The following ROBO1 variants were observed in gnomAD, a reference collection of about 807,000 sequenced individuals.
The protein encoded by ROBO1 is roundabout guidance receptor 1.
In ROBO1, 149 loss-of-function variants were observed where a neutral mutation model predicts 195.9. The observed-to-expected ratio is 0.76, with a 90% CI of 0.67 to 0.87. The LOEUF (loss-of-function observed/expected upper bound fraction) is 0.87. Among genes scored for constraint, ROBO1 ranks in the 40% least tolerant of loss-of-function variants. The pLI is 0.00. For synonymous variants in ROBO1, 816 were observed against 733.2 expected (o/e 1.11, Z -1.82); for missense variants, 1,933 against 2,068.3 (o/e 0.93, Z 1.27).
In ROBO1 at chr3:79,381,077, G is replaced by A. The variant is rs191662097; in HGVS notation, c.88+208747C>T. Among the ~76,000 whole-genome samples the A allele has an allele frequency of 6.1e-4, 93 of 152,218 alleles. No individual in the cohort carries two copies. In the East Asian group the frequency reaches 6.8e-3, roughly 11 times the overall value. On this transcript the variant is annotated intron_variant, in intron 2 of 30. Transcript: ENST00000464233. Reference sequence around the variant, plus strand: ...TAGACTTTGGTAAAATAAGAAATGCGGCTGGGCGCGGTGGCTCACGCCCGT... The same window carrying A: ...TAGACTTTGGTAAAATAAGAAATGCAGCTGGGCGCGGTGGCTCACGCCCGT...
Position 78,867,408 on chromosome 3 carries a change from A to AT in ROBO1, c.499+71192dup, listed in dbSNP as rs1241801747. 1.7e-4 allele frequency among the ~76,000 whole-genome samples: 26 copies of AT among 152,136 alleles called. 1 individual carries two copies. The East Asian group carries it at 2.5e-3, about 15-fold the overall frequency. ...CCTGCAGAGGACTAAAAAGTGTTTG[A>AT]TTTTTTTTCCCCTTCTATGTTAAGA... On this transcript the variant is annotated intron_variant, in intron 4 of 30. Transcript: ENST00000464233.
At position 79,390,797 on chromosome 3, in the gene ROBO1, C is replaced by A. The variant is rs535791611; in HGVS notation, c.88+199027G>T. ...AGAAAAATGTAGTAAAAATTGGCAGCCAAATTTGAGTACATATTTACCCTA... is the reference window on the plus strand; with the variant it reads ...AGAAAAATGTAGTAAAAATTGGCAGACAAATTTGAGTACATATTTACCCTA... On this transcript the variant is annotated intron_variant, in intron 2 of 30. Coordinates refer to ENST00000464233, the MANE Select transcript of ROBO1 (RefSeq NM_002941.4). 1.5e-4 allele frequency among the ~76,000 whole-genome samples: 23 copies of A among 151,848 alleles called. No individual in the cohort carries two copies. The South Asian group carries it at 4.2e-3, about 27-fold the overall frequency.
intron 3 of ROBO1, among the ~76,000 whole-genome samples, chr3:79,014,380 G>A (rs960389309): frequency 6.6e-6 from 1 of 152,194 alleles, no homozygotes; most frequent in Admixed American, 6.5e-5. Context: ...GGCTGAGGCA[G>A]GAGAATCACG....
chr3:79,272,981 C>T (rs1300284048), intron 2 of ROBO1, among the ~76,000 whole-genome samples: 2 of 152,066 alleles, frequency 1.3e-5, no homozygotes, highest in Non-Finnish European at 2.9e-5. Context: ...AGGAAAAGAA[C>T]TTTAACTTTT....
At chr3:79,155,629 A>T (rs2080845709) in intron 2 of ROBO1, among the ~76,000 whole-genome samples, 2 of 151,808 alleles carry the variant, frequency 1.3e-5, no homozygotes, top group South Asian at 4.1e-4. Context: ...TGTGCCTCAC[A>T]TTTCCCGTGG....
intron 4 of ROBO1, among the ~76,000 whole-genome samples, chr3:78,750,482 TAAA>T (rs1559814856): frequency 9.5e-5 from 14 of 147,518 alleles, no homozygotes; most frequent in African/African-American, 3.5e-4. Context: ...AATAAATAAA[TAAA>T]TAAATAAATA....
chr3:79,284,577 C>A (rs2031765476), intron 2 of ROBO1, among the ~76,000 whole-genome samples: 1 of 152,104 alleles, frequency 6.6e-6, no homozygotes, highest in Non-Finnish European at 1.5e-5. Flanking sequence ...ACAATATAAA[C>A]TTATGTCTTA....
chr3:78,917,884 T>C (rs1236890710), intron 4 of ROBO1, among the ~76,000 whole-genome samples: 1 of 152,126 alleles, frequency 6.6e-6, no homozygotes, highest in Non-Finnish European at 1.5e-5. Flanking sequence ...TCAGCTTCCA[T>C]TCAGAAAATA....
chr3:78,812,274 C>T (rs2084766552), intron 4 of ROBO1, among the ~76,000 whole-genome samples: 1 of 152,102 alleles, frequency 6.6e-6, no homozygotes, highest in African/African-American at 2.4e-5. Flanking sequence ...GCCTTCAAGA[C>T]TCGGTCTATG....
intron 4 of ROBO1, among the ~76,000 whole-genome samples, chr3:78,845,268 A>G (rs149021043): frequency 3.3e-5 from 5 of 149,602 alleles, no homozygotes; most frequent in African/African-American, 1.3e-4. Flanking sequence ...ATGTGCACAG[A>G]TTTTAGAGAT....
chr3:79,116,526 C>CTTT (rs550347378), intron 3 of ROBO1, among the ~76,000 whole-genome samples: 3 of 117,940 alleles, frequency 2.5e-5, no homozygotes, highest in Non-Finnish European at 5.5e-5. Context: ...TCTCTTTCTT[C>CTTT]TTTTTTTTTT....
chr3:79,756,164 T>G (rs914329875), intron 1 of ROBO1, among the ~76,000 whole-genome samples: 2 of 152,250 alleles, frequency 1.3e-5, no homozygotes, highest in Non-Finnish European at 2.9e-5. Context: ...ATTTATTGCC[T>G]TCCTCCTAAT....
intron 2 of ROBO1, among the ~76,000 whole-genome samples, chr3:79,256,496 A>G (rs2082836684): frequency 6.6e-6 from 1 of 152,206 alleles, no homozygotes; most frequent in African/African-American, 2.4e-5. Flanking sequence ...TGGAATGAGG[A>G]AAAATAAGAA....
In ROBO1 at chr3:78,617,656, G is replaced by A. The variant is rs753114313; in HGVS notation, c.4261C>T (p.Arg1421Trp). ...AEYAGLKVAR[R>W]QMQDAAGRRH... ...TCACCAGCAGCATCCTGCATTTGCCGTCGTGCTACTTTCAGACCAGCATAC... is the reference window on the plus strand; with the variant it reads ...TCACCAGCAGCATCCTGCATTTGCCATCGTGCTACTTTCAGACCAGCATAC... The change falls in exon 27 of 31, where the codon CGG becomes TGG. Residue 1421 changes from arginine to tryptophan, a missense_variant. Coordinates refer to ENST00000464233, the MANE Select transcript of ROBO1 (RefSeq NM_002941.4). 8 of 1,612,308 alleles carry A rather than the reference G, an allele frequency of 5.0e-6. No homozygotes were observed. The highest frequency in any genetic ancestry group is 2.2e-5 in the East Asian group (1 of 44,880).
At chr3:79,174,346 C>G (rs528199426) in intron 2 of ROBO1, among the ~76,000 whole-genome samples, 1 of 151,726 alleles carries the variant, frequency 6.6e-6, no homozygotes, top group South Asian at 2.1e-4. Context: ...CGCAAAGGTC[C>G]GCAGCTTTAC....
At chr3:79,455,524 G>T (rs1156876073) in intron 2 of ROBO1, among the ~76,000 whole-genome samples, 1 of 151,998 alleles carries the variant, frequency 6.6e-6, no homozygotes, top group Non-Finnish European at 1.5e-5. Flanking sequence ...GTGTTTAAAG[G>T]AGACATTTAA....
At chr3:79,149,832 A>G (rs2080730661) in intron 2 of ROBO1, among the ~76,000 whole-genome samples, 1 of 151,780 alleles carries the variant, frequency 6.6e-6, no homozygotes, top group Non-Finnish European at 1.5e-5. Flanking sequence ...ATGAAACCCC[A>G]GTACGTTAGG....
intron 2 of ROBO1, among the ~76,000 whole-genome samples, chr3:79,342,864 C>T (rs2034963456): frequency 6.6e-6 from 1 of 152,126 alleles, no homozygotes; most frequent in Non-Finnish European, 1.5e-5. Flanking sequence ...TCGTTACCAC[C>T]AGAGTCCATA....
At chr3:78,873,812 T>C (rs919782104) in intron 4 of ROBO1, among the ~76,000 whole-genome samples, 3 of 152,130 alleles carry the variant, frequency 2.0e-5, no homozygotes, top group African/African-American at 4.8e-5. Context: ...CATAACTTTA[T>C]GCTGGAAAGT....
Sources: allele counts gnomAD v4.1 joint callset (sites outside exome capture counted in the v4.1 genomes callset), GRCh38; gene constraint gnomAD v4.1.1; transcripts MANE v1.5; gene names NCBI Gene and HGNC (gene_info 2026-07-23, HGNC 2026-07-21).